Variants in NRG1 observed in about 807,000 individuals in gnomAD.
NRG1 encodes the protein pro-neuregulin-1, membrane-bound isoform.
NRG1 carries 18 observed loss-of-function variants against 63.8 expected under a neutral mutation model. That is an observed-to-expected ratio of 0.28 (90% confidence interval 0.19 to 0.42). The LOEUF (loss-of-function observed/expected upper bound fraction) is 0.42. Among genes scored for constraint, NRG1 ranks in the 10% least tolerant of loss-of-function variants. The pLI, the probability that NRG1 is intolerant of heterozygous loss-of-function variation, is 1.00. For missense variants in NRG1, 762 were observed against 814.7 expected (o/e 0.94, Z 0.79); for synonymous variants, 302 against 301.3 (o/e 1.00, Z -0.02).
At chr8:31,784,044 T>C (rs756767590) in intron 1 of NRG1, among the ~76,000 whole-genome samples, 3 of 152,152 alleles carry the variant, frequency 2.0e-5, no homozygotes, top group Non-Finnish European at 4.4e-5. Flanking sequence ...GGTGACAAAA[T>C]TGTTGAGTTG....
At chr8:32,417,024 C>G (rs4733329) in intron 1 of NRG1, among the ~76,000 whole-genome samples, 1 of 152,198 alleles carries the variant, frequency 6.6e-6, no homozygotes, top group African/African-American at 2.4e-5. Context: ...ATTTGAATAT[C>G]CTGGTGAGAG....
At chr8:31,797,244 C>T (rs1440550450) in intron 1 of NRG1, among the ~76,000 whole-genome samples, 1 of 152,138 alleles carries the variant, frequency 6.6e-6, no homozygotes, top group Non-Finnish European at 1.5e-5. Flanking sequence ...GAACTAAGAG[C>T]ATTGGAGGAT....
At chr8:32,202,183 C>T (rs1843563314) in intron 1 of NRG1, among the ~76,000 whole-genome samples, 2 of 152,060 alleles carry the variant, frequency 1.3e-5, no homozygotes, top group South Asian at 2.1e-4. Context: ...GCCTGTCTTT[C>T]CACTTTATAA....
intron 1 of NRG1, among the ~76,000 whole-genome samples, chr8:31,690,773 C>T (rs1332435665): frequency 6.6e-6 from 1 of 152,028 alleles, no homozygotes; most frequent in African/African-American, 2.4e-5. Flanking sequence ...GAGGAAGTTG[C>T]CATCAACTGA....
intron 1 of NRG1, among the ~76,000 whole-genome samples, chr8:32,234,312 A>G (rs1847307162): frequency 6.6e-6 from 1 of 152,208 alleles, no homozygotes; most frequent in Admixed American, 6.5e-5. Flanking sequence ...AAAATCTTCT[A>G]TGATTTCTCA....
At chr8:32,546,861 C>T (rs1244541145), upstream of NRG1, among the ~76,000 whole-genome samples, 2 of 152,086 alleles carry the variant, frequency 1.3e-5, no homozygotes. Context: ...TATTTCCCTC[C>T]CTCCCTTCCC....
chr8:32,344,494 C>A (rs1362764233), intron 1 of NRG1, among the ~76,000 whole-genome samples: 1 of 148,254 alleles, frequency 6.7e-6, no homozygotes, highest in African/African-American at 2.5e-5. Flanking sequence ...TGCACTGGTA[C>A]AATCTTGGCT....
intron 1 of NRG1, among the ~76,000 whole-genome samples, chr8:32,578,856 A>G (rs1338745661): frequency 6.6e-6 from 1 of 152,218 alleles, no homozygotes; most frequent in Admixed American, 6.5e-5. Context: ...GAAGTATGTC[A>G]TAGAACTATG....
At chr8:32,530,293 G>A (rs1831322889) in intron 1 of NRG1, among the ~76,000 whole-genome samples, 1 of 151,958 alleles carries the variant, frequency 6.6e-6, no homozygotes, top group African/African-American at 2.4e-5. Flanking sequence ...ATTATTTGTA[G>A]AGACGGGGTT....
chr8:31,911,028 C>T (rs559941270), intron 1 of NRG1, among the ~76,000 whole-genome samples: 2 of 152,218 alleles, frequency 1.3e-5, no homozygotes, highest in South Asian at 4.1e-4. Flanking sequence ...CTTCATTGCA[C>T]CAGGAGGAAT....
chr8:31,798,269 C>A (rs975441544), intron 1 of NRG1, among the ~76,000 whole-genome samples: 1 of 152,064 alleles, frequency 6.6e-6, no homozygotes, highest in Non-Finnish European at 1.5e-5. Context: ...ACGGTGATTA[C>A]CCTGATTTGA....
chr8:31,680,447 C>T (rs1262074000), intron 1 of NRG1, among the ~76,000 whole-genome samples: 1 of 151,946 alleles, frequency 6.6e-6, no homozygotes, highest in African/African-American at 2.4e-5. Context: ...CAATTTCATC[C>T]ATGTCCCTAC....
intron 1 of NRG1, among the ~76,000 whole-genome samples, chr8:31,881,001 C>G (rs1830306776): frequency 1.3e-5 from 2 of 152,056 alleles, no homozygotes; most frequent in Non-Finnish European, 2.9e-5. Flanking sequence ...GAAACAGAGT[C>G]CCACAACTTT....
intron 5 of NRG1, chr8:32,721,910 G>T (rs1820741026): frequency 1.4e-6 from 2 of 1,475,938 alleles, no homozygotes; most frequent in African/African-American, 2.9e-5. Flanking sequence ...TAGGAGTTCA[G>T]TCTGCTCATT....
At chr8:32,549,696 C>T (rs540849326) in intron 1 of NRG1, among the ~76,000 whole-genome samples, 26 of 152,270 alleles carry the variant, frequency 1.7e-4, no homozygotes, top group African/African-American at 6.3e-4. Flanking sequence ...ATCATCAGAA[C>T]ACGAGCATGA....
chr8:31,657,971 C>T (rs1382996230), intron 1 of NRG1, among the ~76,000 whole-genome samples: 4 of 152,144 alleles, frequency 2.6e-5, no homozygotes, highest in Non-Finnish European at 4.4e-5. Context: ...AACGTGGGTA[C>T]CTGTTGCTAA....
intron 1 of NRG1, among the ~76,000 whole-genome samples, chr8:31,830,353 CCT>C (rs1447299344): frequency 1.7e-3 from 139 of 82,660 alleles, no homozygotes; most frequent in African/African-American, 7.2e-3. Flanking sequence ...TTCCTTCCTT[CCT>C]TCCTTCCCTC....
intron 1 of NRG1, among the ~76,000 whole-genome samples, chr8:32,523,639 C>T (rs1295419164): frequency 6.6e-6 from 1 of 151,952 alleles, no homozygotes; most frequent in African/African-American, 2.4e-5. Context: ...TGCTTGAGGT[C>T]AGGAGTTCAA....
chr8:32,761,928 A>G (rs1023191279), intron 11 of NRG1, among the ~76,000 whole-genome samples: 1 of 151,024 alleles, frequency 6.6e-6, no homozygotes, highest in Non-Finnish European at 1.5e-5. Flanking sequence ...AGTCCCAGCT[A>G]CTAGGGAGGC....
Sources: allele counts gnomAD v4.1 joint callset (sites outside exome capture counted in the v4.1 genomes callset), GRCh38; gene constraint gnomAD v4.1.1; transcripts MANE v1.5; gene names NCBI Gene and HGNC (gene_info 2026-07-23, HGNC 2026-07-21).